The following TNRC6B variants were observed in gnomAD, a reference collection of about 807,000 sequenced individuals.
TNRC6B encodes trinucleotide repeat containing adaptor 6B.
Under a neutral mutation model 203.6 loss-of-function variants are expected in TNRC6B, and 52 were observed. The ratio of observed to expected loss-of-function variants is 0.26; its 90% CI spans 0.20 to 0.32. The LOEUF is 0.32. Ranked by LOEUF, TNRC6B falls within the 10% of genes least tolerant of loss-of-function variation. The pLI is 1.00. For missense variants in TNRC6B, 1,923 were observed against 2,286.2 expected, an observed-to-expected ratio of 0.84 and a Z score of 3.24; for synonymous variants, 838 against 845.7, an observed-to-expected ratio of 0.99 and a Z score of 0.16.
chr22:40,058,552 G>C (rs2067821475), intron 1 of TNRC6B, among the ~76,000 whole-genome samples: 1 of 152,220 alleles, frequency 6.6e-6, no homozygotes, highest in Non-Finnish European at 1.5e-5. Context: ...CTGACTGACT[G>C]TACTGAAAAA....
intron 2 of TNRC6B, among the ~76,000 whole-genome samples, chr22:40,124,564 GC>G (rs1420902583): frequency 2.0e-5 from 3 of 152,034 alleles, no homozygotes; most frequent in Non-Finnish European, 4.4e-5. Flanking sequence ...CCATCCACCT[GC>G]CTCAGCCTCC....
chr22:40,151,789 GAGAA>G (rs1018385496), intron 3 of TNRC6B, among the ~76,000 whole-genome samples: 19 of 149,676 alleles, frequency 1.3e-4, no homozygotes, highest in Non-Finnish European at 1.9e-4. Flanking sequence ...CACAAAAATG[GAGAA>G]AGAAAGAAAG....
At chr22:40,056,797 C>CAAAAA (rs35657644) in intron 1 of TNRC6B, among the ~76,000 whole-genome samples, 1 of 91,960 alleles carries the variant, frequency 1.1e-5, no homozygotes, top group Non-Finnish European at 2.4e-5. Flanking sequence ...CACCCTGTCT[C>CAAAAA]AAAAAAAAAA....
intron 11 of TNRC6B, among the ~76,000 whole-genome samples, chr22:40,281,760 A>T (rs1401798439): frequency 6.6e-6 from 1 of 152,246 alleles, no homozygotes; most frequent in Non-Finnish European, 1.5e-5. Context: ...AGTGTAAAAT[A>T]TAGTAATTAC....
chr22:40,180,938 A>G (rs1288157377), intron 1 of TNRC6B, among the ~76,000 whole-genome samples: 1 of 152,198 alleles, frequency 6.6e-6, no homozygotes, highest in African/African-American at 2.4e-5. Flanking sequence ...AACTAGTGAT[A>G]ATATCACAAC....
At chr22:40,156,344 C>T (rs529286807) in intron 4 of TNRC6B, among the ~76,000 whole-genome samples, 2 of 152,316 alleles carry the variant, frequency 1.3e-5, no homozygotes, top group South Asian at 2.1e-4. Context: ...TATTTATAGA[C>T]CAACTAACTA....
At chr22:40,095,384 C>T (rs900164574) in intron 1 of TNRC6B, among the ~76,000 whole-genome samples, 54 of 152,138 alleles carry the variant, frequency 3.5e-4, no homozygotes, top group African/African-American at 1.2e-3. Context: ...AGACCACGCA[C>T]CCTCCCAAGT....
intron 1 of TNRC6B, among the ~76,000 whole-genome samples, chr22:40,054,314 TC>T (rs2067774802): frequency 6.6e-6 from 1 of 152,178 alleles, no homozygotes; most frequent in Non-Finnish European, 1.5e-5. Context: ...TCTGCCAGCG[TC>T]CCCTGCCTCT....
intron 1 of TNRC6B, among the ~76,000 whole-genome samples, chr22:40,079,280 A>G (rs775598755): frequency 1.3e-5 from 2 of 152,092 alleles, no homozygotes; most frequent in South Asian, 2.1e-4. Flanking sequence ...AAGCTCTAAG[A>G]TGCTTCTGGT....
chr22:40,282,199 A>G (rs964753405), intron 11 of TNRC6B, among the ~76,000 whole-genome samples: 1 of 152,252 alleles, frequency 6.6e-6, no homozygotes, highest in African/African-American at 2.4e-5. Flanking sequence ...TTCTGTCTCC[A>G]TATGATAACT....
At chr22:40,111,868 C>T (rs200910479) in intron 1 of TNRC6B, among the ~76,000 whole-genome samples, 1 of 152,196 alleles carries the variant, frequency 6.6e-6, no homozygotes, top group Non-Finnish European at 1.5e-5. Context: ...TTTGGGAGGC[C>T]GAGGCGGGTG....
intron 1 of TNRC6B, among the ~76,000 whole-genome samples, chr22:40,068,749 C>T (rs2067919746): frequency 6.6e-6 from 1 of 151,658 alleles, no homozygotes; most frequent in African/African-American, 2.4e-5. Flanking sequence ...GGAAAATCTT[C>T]TTTTATTTTT....
chr22:40,292,218 G>A (rs935588457), intron 12 of TNRC6B, among the ~76,000 whole-genome samples: 6 of 151,208 alleles, frequency 4.0e-5, no homozygotes, highest in African/African-American at 1.5e-4. Context: ...GCATGGTGGC[G>A]CACACCCGTC....
At chr22:40,250,923 G>A (rs1231383870) in intron 2 of TNRC6B, among the ~76,000 whole-genome samples, 4 of 141,318 alleles carry the variant, frequency 2.8e-5, no homozygotes, top group Admixed American at 7.8e-5. Flanking sequence ...ATCGTATAAT[G>A]AGTGGAATGC....
chr22:40,315,523 C>A lies in TNRC6B; in HGVS notation c.4903+16C>A, dbSNP rs2071245721. 1 of 1,611,710 alleles carries A rather than the reference C, an allele frequency of 6.2e-7. No homozygotes were observed. The highest frequency in any genetic ancestry group is 1.3e-5 in the African/African-American group (1 of 74,866). ...CTCGCCTCGGGTGAGGAGGATCTGC[C>A]TAAAGGAACACCATTGTTCATCCAC... On this transcript the variant is annotated intron_variant, in intron 20 of 22. Transcript: ENST00000454349.
chr22:40,090,782 C>T (rs1420030115), intron 1 of TNRC6B, among the ~76,000 whole-genome samples: 2 of 147,662 alleles, frequency 1.4e-5, no homozygotes, highest in Non-Finnish European at 2.9e-5. Flanking sequence ...TAACCCTAGT[C>T]CCCAAATTGT....
intron 1 of TNRC6B, among the ~76,000 whole-genome samples, chr22:40,220,171 G>A (rs1003877711): frequency 6.6e-6 from 1 of 152,126 alleles, no homozygotes; most frequent in Non-Finnish European, 1.5e-5. Flanking sequence ...GTGGCTTCCC[G>A]AGCTCTGAAT....
intron 6 of TNRC6B, 66 bp from the exon 7 acceptor site, chr22:40,273,359 G>T: frequency 7.1e-7 from 1 of 1,402,168 alleles, no homozygotes; most frequent in South Asian, 1.5e-5. Context: ...CATCTGCAAG[G>T]AATTATTATT....
intron 1 of TNRC6B, among the ~76,000 whole-genome samples, chr22:40,232,992 C>CA (rs1252836019): frequency 6.6e-6 from 1 of 151,438 alleles, no homozygotes; most frequent in African/African-American, 2.4e-5. Flanking sequence ...TACTAAAATA[C>CA]AAAAAATTAG....
Sources: gnomAD v4.1 joint callset for allele counts (sites outside exome capture counted in the v4.1 genomes callset) on GRCh38, gnomAD v4.1.1 for gene constraint, MANE v1.5 for transcripts, NCBI Gene and HGNC (gene_info 2026-07-23, HGNC 2026-07-21) for gene names.